OSBPL9: variants seen among roughly 807,000 people sequenced by gnomAD.
OSBPL9 encodes oxysterol-binding protein-related protein 9.
Under a neutral mutation model 106.6 loss-of-function variants are expected in OSBPL9, and 40 were observed. The observed-to-expected ratio is 0.38, with a 90% confidence interval of 0.29 to 0.49. The LOEUF (loss-of-function observed/expected upper bound fraction) is 0.49, where lower values mean the gene tolerates loss of function less well. Among genes scored for constraint, OSBPL9 ranks in the 20% least tolerant of loss-of-function variants. OSBPL9 has a pLI of 0.97. For synonymous variants in OSBPL9, 269 were observed against 295.4 expected (o/e 0.91, Z 0.92); for missense variants, 609 against 887.2 (o/e 0.69, Z 3.98).
chr1:51,525,877 A>ATT, the OSBPL9 span, among the ~76,000 whole-genome samples: 1 of 151,780 alleles, frequency 6.6e-6, no homozygotes. Flanking sequence ...AGCCTGAATG[A>ATT]TTTTTTTTGT....
chr1:51,520,540 A>G, the OSBPL9 span, among the ~76,000 whole-genome samples: 1 of 152,206 alleles, frequency 6.6e-6, no homozygotes, highest in South Asian at 2.1e-4. Context: ...TATCTCCCTC[A>G]TAGTTTAGCC....
the OSBPL9 span, among the ~76,000 whole-genome samples, chr1:51,535,559 A>AT: frequency 7.9e-5 from 12 of 150,956 alleles, no homozygotes; most frequent in South Asian, 6.3e-4. Flanking sequence ...ATTACTTTTT[A>AT]TTTTTTTTTA....
At chr1:51,669,248 G>A (rs1370052189) in intron 2 of OSBPL9, among the ~76,000 whole-genome samples, 186 bp from the exon 3 acceptor site, 2 of 152,196 alleles carry the variant, frequency 1.3e-5, no homozygotes, top group African/African-American at 2.4e-5. Flanking sequence ...TGGTACTAGA[G>A]TGTCCTGCCA....
chr1:51,704,920 A>T (rs1345150057), intron 3 of OSBPL9, among the ~76,000 whole-genome samples: 1 of 152,170 alleles, frequency 6.6e-6, no homozygotes, highest in African/African-American at 2.4e-5. Context: ...ATATATTCAG[A>T]GTGTTGCTAC....
chr1:51,649,877 T>C (rs769073738), intron 1 of OSBPL9, among the ~76,000 whole-genome samples: 1 of 151,964 alleles, frequency 6.6e-6, no homozygotes, highest in Non-Finnish European at 1.5e-5. Flanking sequence ...TAGTTTTTTC[T>C]TTTTTGTTGT....
chr1:51,782,597 A>G lies in OSBPL9; in HGVS notation c.1467A>G (p.Lys489=), dbSNP rs549736209. ...AAGGACCAGTTCCCTGGGTTTCCAAAAACAGTGTAACATTTGTGGCTGAGC... is the reference window on the plus strand; with the variant it reads ...AAGGACCAGTTCCCTGGGTTTCCAAGAACAGTGTAACATTTGTGGCTGAGC... ...VSEGPVPWVS[K]NSVTFVAEQV... Residue 489 remains lysine (K), a synonymous_variant, in exon 17 of 24, where the codon AAA becomes AAG. Coordinates refer to ENST00000428468, the MANE Select transcript of OSBPL9 (RefSeq NM_024586.6). 2 of 1,614,044 alleles carry G rather than the reference A, an allele frequency of 1.2e-6. No homozygotes were observed. The highest frequency in any genetic ancestry group is 4.5e-5 in the East Asian group (2 of 44,874).
intron 3 of OSBPL9, among the ~76,000 whole-genome samples, chr1:51,674,065 C>CTT (rs199650810): frequency 2.3e-5 from 3 of 133,084 alleles, no homozygotes; most frequent in Admixed American, 7.6e-5. Flanking sequence ...TCTTCTTCTT[C>CTT]TTTTTTTTTT....
intron 3 of OSBPL9, among the ~76,000 whole-genome samples, chr1:51,681,733 C>A (rs1036026044): frequency 6.6e-5 from 10 of 152,020 alleles, no homozygotes; most frequent in Admixed American, 6.6e-4. Context: ...ACTCCCCACC[C>A]CCAGTACCAA....
intron 3 of OSBPL9, among the ~76,000 whole-genome samples, chr1:51,691,765 T>A (rs1046222882): frequency 6.6e-6 from 1 of 152,088 alleles, no homozygotes; most frequent in Non-Finnish European, 1.5e-5. Flanking sequence ...GTTTTAAAGT[T>A]TGTTTTTTTT....
At position 51,582,146 on chromosome 1, in the gene OSBPL9, G is replaced by A. The variant is rs574169214; in HGVS notation, c.-423+4890G>A. The stretch of plus-strand genomic sequence containing the variant: ...TCAAACCATAAGTGTATAGTTTAAC[G>A]AAATTTTAAGAAGAGAAATTTAAGG... On this transcript the variant is annotated intron_variant, in intron 1 of 25. Coordinates refer to the OSBPL9 transcript ENST00000371714. 7.0e-4 allele frequency among the ~76,000 whole-genome samples: 106 copies of A among 152,208 alleles called. No individual in the cohort carries two copies. The South Asian group carries it at 0.013, about 18-fold the overall frequency.
Position 51,755,793 on chromosome 1 carries a change from GAGGTAAACTCCATTGTA to G in OSBPL9, c.544-524_544-508del. Among the ~76,000 whole-genome samples the G allele has an allele frequency of 3.3e-5, 5 of 152,310 alleles. 1 individual carries two copies. Among genetic ancestry groups the G allele is most frequent in the African/African-American group, 1.2e-4 (5 of 41,568 alleles). ...TTTCAACTTAAGATGGGTTTATTGGGAGGTAAACTCCATTGTAAGTTGAGGAGCGTCAGTGCCTCCCT... is the reference window on the plus strand; with the variant it reads ...TTTCAACTTAAGATGGGTTTATTGGGAGTTGAGGAGCGTCAGTGCCTCCCT... On this transcript the variant is annotated intron_variant, in intron 8 of 23. Transcript: ENST00000428468.
At chr1:51,645,618 A>G (rs541666841) in intron 1 of OSBPL9, among the ~76,000 whole-genome samples, 2 of 152,094 alleles carry the variant, frequency 1.3e-5, no homozygotes, top group East Asian at 3.9e-4. Context: ...TTCTTTAAGG[A>G]CAAATGTTTT....
the OSBPL9 span, among the ~76,000 whole-genome samples, chr1:51,544,619 G>GA: frequency 0.083 from 12,559 of 151,610 alleles, 602 homozygotes; most frequent in African/African-American, 0.11. Context: ...CCACCATAAG[G>GA]AAAAAAATTA....
chr1:51,671,848 G>A (rs1020363958), intron 3 of OSBPL9, among the ~76,000 whole-genome samples: 2 of 152,122 alleles, frequency 1.3e-5, no homozygotes, highest in Admixed American at 1.3e-4. Flanking sequence ...TGTTGGTGGG[G>A]GAGGTGGGGT....
At chr1:51,743,474 C>T (rs527318061) in intron 4 of OSBPL9, among the ~76,000 whole-genome samples, 9 of 152,194 alleles carry the variant, frequency 5.9e-5, no homozygotes, top group East Asian at 5.8e-4. Flanking sequence ...TTAATCTAAT[C>T]GGTAATTTGT....
At chr1:51,747,369 C>G (rs2149008219) in intron 6 of OSBPL9, among the ~76,000 whole-genome samples, 1 of 152,224 alleles carries the variant, frequency 6.6e-6, no homozygotes, top group African/African-American at 2.4e-5. Flanking sequence ...TACATATGGT[C>G]ACTTCAGATA....
At chr1:51,759,480 T>C (rs578118926) in intron 9 of OSBPL9, 5 of 152,316 alleles carry the variant, frequency 3.3e-5, no homozygotes, top group Middle Eastern at 3.4e-3. Context: ...TTGGGCTTAT[T>C]TATTGGCAAA....
At chr1:51,656,916 A>G (rs1646855406) in intron 2 of OSBPL9, among the ~76,000 whole-genome samples, 1 of 152,052 alleles carries the variant, frequency 6.6e-6, no homozygotes, top group Non-Finnish European at 1.5e-5. Flanking sequence ...GACCTCAGGC[A>G]GTCCTCCTAA....
the OSBPL9 span, among the ~76,000 whole-genome samples, chr1:51,527,369 A>G: frequency 5.0e-4 from 75 of 148,768 alleles, no homozygotes; most frequent in Non-Finnish European, 1.0e-3. Flanking sequence ...GATGATGATG[A>G]TGGTGATTAA....
Sources: gnomAD v4.1 joint callset for allele counts (sites outside exome capture counted in the v4.1 genomes callset) on GRCh38, gnomAD v4.1.1 for gene constraint, MANE v1.5 for transcripts, NCBI Gene and HGNC (gene_info 2026-07-23, HGNC 2026-07-21) for gene names.